Variants in PTGR2 observed in about 807,000 individuals in gnomAD.
PTGR2 encodes the protein prostaglandin reductase 2.
PTGR2 carries 32 observed loss-of-function variants against 43.4 expected under a neutral mutation model. That is an observed-to-expected ratio of 0.74 (90% CI 0.56 to 0.99). PTGR2 has a LOEUF of 0.99. PTGR2 is among the 50% of genes least tolerant of loss of function. PTGR2 has a pLI of 0.00. For missense variants in PTGR2, 373 were observed against 420.0 expected (o/e 0.89, Z 0.98); for synonymous variants, 106 against 139.2 (o/e 0.76, Z 1.68).
At chr14:73,862,388 T>C (rs967309947) in intron 3 of PTGR2, among the ~76,000 whole-genome samples, 1 of 152,050 alleles carries the variant, frequency 6.6e-6, no homozygotes, top group African/African-American at 2.4e-5. Flanking sequence ...TTTGTATTTT[T>C]AGTAGAGATG....
chr14:73,869,250 T>C (rs1384318159), intron 3 of PTGR2, among the ~76,000 whole-genome samples: 1 of 152,164 alleles, frequency 6.6e-6, no homozygotes, highest in Non-Finnish European at 1.5e-5. Flanking sequence ...AGTAAGCTTA[T>C]GGGCTGGGTG....
At chr14:73,876,150 A>G (rs1292017455) in intron 4 of PTGR2, among the ~76,000 whole-genome samples, 1 of 152,068 alleles carries the variant, frequency 6.6e-6, no homozygotes, top group East Asian at 1.9e-4. Context: ...GAGAAGTAAT[A>G]TTGTTTTTTA....
chr14:73,866,605 C>A (rs1280099792), intron 3 of PTGR2, among the ~76,000 whole-genome samples: 1 of 152,066 alleles, frequency 6.6e-6, no homozygotes, highest in African/African-American at 2.4e-5. Flanking sequence ...TGTGATGGTT[C>A]ATTTTATGTG....
chr14:73,869,586 A>T (rs1450327087), intron 3 of PTGR2, among the ~76,000 whole-genome samples: 3 of 152,076 alleles, frequency 2.0e-5, no homozygotes, highest in African/African-American at 7.2e-5. Context: ...AAAAAAAAAA[A>T]AAAGTTTATG....
At chr14:73,883,182 A>C (rs140628396) in intron 9 of PTGR2, among the ~76,000 whole-genome samples, 1,532 of 52,820 alleles carry the variant, frequency 0.029, no homozygotes, top group Admixed American at 0.047. Context: ...CCCTCCCCTC[A>C]CCTCCCTTTT....
chr14:73,881,886 C>T (rs1161073056), intron 8 of PTGR2, among the ~76,000 whole-genome samples: 2 of 142,758 alleles, frequency 1.4e-5, no homozygotes, highest in Non-Finnish European at 3.0e-5. Context: ...TAGGTTCAAG[C>T]AATTATTCTG....
At chr14:73,860,822 G>T (rs1390639617) in intron 3 of PTGR2, among the ~76,000 whole-genome samples, 165 bp downstream of exon 3, 3 of 152,100 alleles carry the variant, frequency 2.0e-5, no homozygotes, top group African/African-American at 7.3e-5. Flanking sequence ...ATTCACTAGT[G>T]TAATTAAGGA....
intron 5 of PTGR2, chr14:73,877,573 C>A (rs2336565): frequency 0.49 from 74,782 of 152,744 alleles, 18,532 homozygotes; most frequent in South Asian, 0.61. Flanking sequence ...CCAAAATTGA[C>A]TAAATTTATA....
intron 3 of PTGR2, among the ~76,000 whole-genome samples, chr14:73,868,349 C>T (rs2054650947): frequency 6.6e-6 from 1 of 152,088 alleles, no homozygotes; most frequent in South Asian, 2.1e-4. Flanking sequence ...GAGAAGCCTG[C>T]CAATTACCCT....
chr14:73,866,091 TC>T (rs2054591403), intron 3 of PTGR2, among the ~76,000 whole-genome samples: 2 of 152,116 alleles, frequency 1.3e-5, no homozygotes, highest in African/African-American at 4.8e-5. Context: ...AACCTCCACT[TC>T]CCGGGTTCAA....
intron 2 of PTGR2, among the ~76,000 whole-genome samples, chr14:73,860,139 G>A (rs942395350): frequency 2.0e-5 from 3 of 151,758 alleles, no homozygotes; most frequent in African/African-American, 7.3e-5. Context: ...GAGCCACCAC[G>A]CCTGGCCCCT....
chr14:73,853,410 C>T (rs1348637190), intron 1 of PTGR2, among the ~76,000 whole-genome samples: 1 of 151,820 alleles, frequency 6.6e-6, no homozygotes, highest in African/African-American at 2.4e-5. Context: ...GCAACCTCCA[C>T]CTCCCGGTTT....
At chr14:73,873,412 T>C (rs772033402) in intron 3 of PTGR2, among the ~76,000 whole-genome samples, 2 of 152,182 alleles carry the variant, frequency 1.3e-5, no homozygotes, top group African/African-American at 2.4e-5. Flanking sequence ...TTGTTTGTGG[T>C]GAGAACACTT....
chr14:73,862,665 A>G (rs1367290379), intron 3 of PTGR2, among the ~76,000 whole-genome samples: 5 of 152,184 alleles, frequency 3.3e-5, no homozygotes, highest in Non-Finnish European at 5.9e-5. Flanking sequence ...GCTATTAAAG[A>G]CGTCACTACT....
At chr14:73,877,252 C>A in intron 5 of PTGR2, 84 bp downstream of exon 5, 2 of 1,202,368 alleles carry the variant, frequency 1.7e-6, no homozygotes, top group Non-Finnish European at 2.3e-6. Context: ...ATATGTATAC[C>A]ATTAAAAATA....
chr14:73,869,318 G>A (rs866793661), intron 3 of PTGR2, among the ~76,000 whole-genome samples: 1 of 152,114 alleles, frequency 6.6e-6, no homozygotes, highest in South Asian at 2.1e-4. Flanking sequence ...AGGATCACTT[G>A]ACCCCAGGAG....
intron 6 of PTGR2, 59 bp from the exon 7 acceptor site, chr14:73,879,996 A>G: frequency 1.3e-6 from 2 of 1,568,142 alleles, no homozygotes; most frequent in South Asian, 2.2e-5. Context: ...CCATTATGGC[A>G]GCCATAAAAT....
rs7159133 is a variant in PTGR2, at chr14:73,875,090, C to G, written c.348+876C>G. Among the ~76,000 whole-genome samples the G allele has an allele frequency of 2.8e-3, 424 of 152,186 alleles. 3 individuals are homozygous for G. The highest frequency in any genetic ancestry group is 9.8e-3 in the African/African-American group (407 of 41,520). The stretch of plus-strand genomic sequence containing the variant: ...GGCCAGGCTGTTCTCAAACTCCTGA[C>G]CTCAAGTGATCTGTCTGTCTTGGTC... On this transcript the variant is annotated intron_variant, in intron 4 of 9. Coordinates refer to ENST00000555661, the MANE Select transcript of PTGR2 (RefSeq NM_001146154.2).
chr14:73,864,534 A>G (rs2054560624), intron 3 of PTGR2, among the ~76,000 whole-genome samples: 1 of 152,120 alleles, frequency 6.6e-6, no homozygotes, highest in African/African-American at 2.4e-5. Flanking sequence ...GTATTTCCTT[A>G]TGGCTAATAA....
Sources: allele counts gnomAD v4.1 joint callset (sites outside exome capture counted in the v4.1 genomes callset), GRCh38; gene constraint gnomAD v4.1.1; transcripts MANE v1.5; gene names NCBI Gene and HGNC (gene_info 2026-07-23, HGNC 2026-07-21).